The following CPVL variants were observed in gnomAD, a reference collection of about 807,000 sequenced individuals.
The protein encoded by CPVL is probable serine carboxypeptidase CPVL.
CPVL carries 51 observed loss-of-function variants against 63.7 expected under a neutral mutation model. The ratio of observed to expected loss-of-function variants is 0.80; its 90% CI spans 0.64 to 1.01. The LOEUF is 1.01. Ranked by LOEUF, CPVL falls within the 50% of genes least tolerant of loss-of-function variation. The probability of loss-of-function intolerance (pLI) is 0.00; values close to 1 mark genes in which losing one functional copy is unlikely to be tolerated. For missense variants in CPVL, 530 were observed against 573.1 expected, an observed-to-expected ratio of 0.92 and a Z score of 0.77; for synonymous variants, 195 against 206.0, an observed-to-expected ratio of 0.95 and a Z score of 0.46.
At chr7:29,175,000 A>G (rs1178165489) in intron 5 of CPVL, among the ~76,000 whole-genome samples, 1 of 152,162 alleles carries the variant, frequency 6.6e-6, no homozygotes, top group Non-Finnish European at 1.5e-5. Flanking sequence ...AGATTAGATA[A>G]TGATATGGTT....
intron 5 of CPVL, among the ~76,000 whole-genome samples, chr7:29,168,123 A>G (rs1481003700): frequency 3.9e-5 from 6 of 152,168 alleles, no homozygotes. Flanking sequence ...AGAATATCTC[A>G]TTGTGGTTTT....
chr7:29,083,528 G>A (rs1271848730), intron 7 of CPVL, among the ~76,000 whole-genome samples: 1 of 152,222 alleles, frequency 6.6e-6, no homozygotes, highest in East Asian at 1.9e-4. Context: ...TACTGGGAAA[G>A]GGAAGTTGAA....
intron 12 of CPVL, among the ~76,000 whole-genome samples, chr7:29,004,700 G>A (rs936273011): frequency 6.6e-6 from 1 of 152,038 alleles, no homozygotes; most frequent in Non-Finnish European, 1.5e-5. Context: ...TAAGAATTTG[G>A]GTGACCACTT....
At chr7:29,128,310 T>A (rs986911481) in intron 1 of CPVL, 2 of 151,974 alleles carry the variant, frequency 1.3e-5, no homozygotes, top group Admixed American at 1.3e-4. Flanking sequence ...CTCATGTAAA[T>A]CTGATTTGGG....
chr7:29,119,177 C>T (rs537486845), intron 2 of CPVL, among the ~76,000 whole-genome samples: 3 of 152,206 alleles, frequency 2.0e-5, no homozygotes, highest in Non-Finnish European at 2.9e-5. Flanking sequence ...AGTGATTAAG[C>T]GCAAAGAAGC....
intron 3 of CPVL, among the ~76,000 whole-genome samples, chr7:29,110,073 C>A (rs183774202): frequency 2.0e-5 from 3 of 152,326 alleles, no homozygotes; most frequent in African/African-American, 7.2e-5. Flanking sequence ...CTGATCTCTT[C>A]TCTCACCCTT....
intron 11 of CPVL, among the ~76,000 whole-genome samples, chr7:29,042,535 G>A (rs960302898): frequency 2.0e-5 from 3 of 152,110 alleles, no homozygotes; most frequent in Non-Finnish European, 2.9e-5. Flanking sequence ...AACCCAGGAG[G>A]TTGAGGTTGC....
chr7:29,024,735 C>T (rs1352009408), intron 12 of CPVL, among the ~76,000 whole-genome samples: 1 of 152,118 alleles, frequency 6.6e-6, no homozygotes, highest in Non-Finnish European at 1.5e-5. Context: ...GATTACTATA[C>T]CCACAAAGCC....
chr7:29,128,814 C>T (rs535052133), intron 1 of CPVL, among the ~76,000 whole-genome samples: 1 of 152,152 alleles, frequency 6.6e-6, no homozygotes, highest in East Asian at 1.9e-4. Flanking sequence ...AAACACATCT[C>T]TGGGTAGATG....
chr7:29,034,823 C>T (rs1788363055), intron 11 of CPVL, among the ~76,000 whole-genome samples: 1 of 147,476 alleles, frequency 6.8e-6, no homozygotes, highest in South Asian at 2.1e-4. Flanking sequence ...GCATGAGCCA[C>T]TGCACCCAGC....
At chr7:29,086,600 A>G in intron 6 of CPVL, 50 bp from the exon 7 acceptor site, 1 of 1,331,720 alleles carries the variant, frequency 7.5e-7, no homozygotes, top group Non-Finnish European at 1.1e-6. Context: ...AAAATGATTC[A>G]GGATCTCTTC....
upstream of CPVL, among the ~76,000 whole-genome samples, chr7:29,151,146 C>T (rs542480791): frequency 4.6e-5 from 7 of 152,236 alleles, no homozygotes; most frequent in Non-Finnish European, 8.8e-5. Context: ...GGAAGGGGCA[C>T]CTCCTAAGAC....
intron 5 of CPVL, among the ~76,000 whole-genome samples, chr7:29,159,688 T>A (rs1193760533): frequency 3.3e-5 from 5 of 152,114 alleles, no homozygotes; most frequent in Non-Finnish European, 7.4e-5. Context: ...CCCCCCTATT[T>A]AACCTACCTC....
chr7:29,092,551 A>G, intron 6 of CPVL, 72 bp downstream of exon 6: 1 of 1,046,858 alleles, frequency 9.6e-7, no homozygotes, highest in South Asian at 1.3e-5. Context: ...TTCCAACACT[A>G]GAATAATTTT....
chr7:29,088,888 T>C (rs892151620), intron 6 of CPVL, among the ~76,000 whole-genome samples: 5 of 152,020 alleles, frequency 3.3e-5, no homozygotes, highest in African/African-American at 1.2e-4. Context: ...GGCAGGAGAA[T>C]TGCTTGAACC....
chr7:29,130,898 C>T (rs1007344062), intron 1 of CPVL, among the ~76,000 whole-genome samples: 3 of 152,182 alleles, frequency 2.0e-5, no homozygotes, highest in African/African-American at 7.2e-5. Context: ...CCACAGATTG[C>T]TTCATAATGG....
chr7:29,011,465 C>T (rs1785824304), intron 12 of CPVL: 1 of 152,170 alleles, frequency 6.6e-6, no homozygotes, highest in African/African-American at 2.4e-5. Flanking sequence ...GTCCCAGATA[C>T]CTGGGATGCT....
At chr7:29,174,387 C>T (rs531293581) in intron 5 of CPVL, among the ~76,000 whole-genome samples, 14 of 152,222 alleles carry the variant, frequency 9.2e-5, no homozygotes, top group Admixed American at 9.2e-4. Context: ...TAAAGCTTTT[C>T]GAGGCCTGGA....
intron 11 of CPVL, among the ~76,000 whole-genome samples, chr7:29,035,440 T>C (rs940900309): frequency 1.3e-5 from 2 of 152,208 alleles, no homozygotes; most frequent in Admixed American, 6.5e-5. Context: ...GTTAGTTGCA[T>C]ATGAGACACA....
Sources: gnomAD v4.1 joint callset for allele counts (sites outside exome capture counted in the v4.1 genomes callset) on GRCh38, gnomAD v4.1.1 for gene constraint, MANE v1.5 for transcripts, NCBI Gene and HGNC (gene_info 2026-07-23, HGNC 2026-07-21) for gene names.